The following TBC1D19 variants were observed in gnomAD, a reference collection of about 807,000 sequenced individuals.
The protein encoded by TBC1D19 is TBC1 domain family, member 19.
Under a neutral mutation model 89.0 loss-of-function variants are expected in TBC1D19, and 60 were observed. The ratio of observed to expected loss-of-function variants is 0.67; its 90% CI spans 0.55 to 0.84. The LOEUF (loss-of-function observed/expected upper bound fraction) is 0.84, where lower values mean the gene tolerates loss of function less well. TBC1D19 is among the 40% of genes least tolerant of loss of function. The pLI is 0.00. For synonymous variants in TBC1D19, 189 were observed against 199.7 expected (o/e 0.95, Z 0.45); for missense variants, 500 against 610.8 (o/e 0.82, Z 1.91).
At chr4:26,852,810 G>A in the TBC1D19 span, among the ~76,000 whole-genome samples, 9 of 152,170 alleles carry the variant, frequency 5.9e-5, no homozygotes, top group South Asian at 1.7e-3. Context: ...TAGTAGAGAC[G>A]GGGTTTCACC....
chr4:26,809,457 C>A, the TBC1D19 span, among the ~76,000 whole-genome samples: 16 of 152,024 alleles, frequency 1.1e-4, no homozygotes, highest in African/African-American at 3.9e-4. Context: ...TGTTGGGAAA[C>A]CTCTTTCCCT....
the TBC1D19 span, among the ~76,000 whole-genome samples, chr4:26,771,613 T>C: frequency 2.0e-5 from 3 of 152,124 alleles, no homozygotes; most frequent in African/African-American, 7.2e-5. Flanking sequence ...GGTATCTAAA[T>C]AGTCAAATTC....
At chr4:26,622,292 T>G (rs920887628) in intron 4 of TBC1D19, among the ~76,000 whole-genome samples, 6 of 152,118 alleles carry the variant, frequency 3.9e-5, no homozygotes, top group African/African-American at 1.2e-4. Flanking sequence ...ACTAAGAAGG[T>G]TGGGCCTGAA....
At chr4:26,792,203 A>G in the TBC1D19 span, among the ~76,000 whole-genome samples, 2 of 152,046 alleles carry the variant, frequency 1.3e-5, no homozygotes, top group East Asian at 3.8e-4. Flanking sequence ...GTGTAACGTA[A>G]TTAGTTCATT....
chr4:26,668,935 C>T (rs1712044052), intron 9 of TBC1D19, among the ~76,000 whole-genome samples: 2 of 151,220 alleles, frequency 1.3e-5, no homozygotes, highest in South Asian at 4.2e-4. Flanking sequence ...AAGTCATAGC[C>T]ATTACTTCTA....
At chr4:26,784,442 C>T in the TBC1D19 span, among the ~76,000 whole-genome samples, 2 of 152,168 alleles carry the variant, frequency 1.3e-5, no homozygotes, top group Non-Finnish European at 2.9e-5. Context: ...CATCTTGTGA[C>T]TACCCAAGGC....
intron 7 of TBC1D19, among the ~76,000 whole-genome samples, chr4:26,643,987 C>T (rs1206623893): frequency 6.6e-6 from 1 of 152,152 alleles, no homozygotes; most frequent in Non-Finnish European, 1.5e-5. Context: ...CCGAATTCTA[C>T]CAGAGGTACA....
intron 16 of TBC1D19, among the ~76,000 whole-genome samples, chr4:26,736,941 C>T (rs1718088322): frequency 6.6e-6 from 1 of 152,160 alleles, no homozygotes; most frequent in South Asian, 2.1e-4. Context: ...TTTAATGCCA[C>T]TTAATTTTTA....
At chr4:26,753,013 T>G (rs76847374) in intron 19 of TBC1D19, among the ~76,000 whole-genome samples, 3,670 of 152,236 alleles carry the variant, frequency 0.024, 110 homozygotes, top group African/African-American at 0.07. Context: ...TGTCCTGTAA[T>G]GTTTGGATTT....
the TBC1D19 span, among the ~76,000 whole-genome samples, chr4:26,838,193 C>A: frequency 6.6e-6 from 1 of 152,210 alleles, no homozygotes; most frequent in Non-Finnish European, 1.5e-5. Flanking sequence ...ACCCATGCAA[C>A]TTCCGATACC....
chr4:26,811,639 G>A, the TBC1D19 span, among the ~76,000 whole-genome samples: 1 of 152,170 alleles, frequency 6.6e-6, no homozygotes, highest in Non-Finnish European at 1.5e-5. Context: ...AATAAAGAAT[G>A]GCTACTCCAT....
intron 1 of TBC1D19, among the ~76,000 whole-genome samples, chr4:26,601,044 G>A (rs1416264091): frequency 2.6e-5 from 4 of 151,886 alleles, no homozygotes; most frequent in African/African-American, 9.7e-5. Context: ...GATATTTCGG[G>A]GATTGATGTG....
At chr4:26,833,497 T>C in the TBC1D19 span, among the ~76,000 whole-genome samples, 3 of 152,154 alleles carry the variant, frequency 2.0e-5, no homozygotes, top group Non-Finnish European at 4.4e-5. Flanking sequence ...ACTGTCCCTA[T>C]AGTTTTGTCT....
chr4:26,588,432 AT>A (rs1023220428), intron 1 of TBC1D19, among the ~76,000 whole-genome samples: 2 of 151,626 alleles, frequency 1.3e-5, no homozygotes, highest in African/African-American at 2.4e-5. Context: ...AATCGCTCTG[AT>A]TTTTTTCCTT....
intron 9 of TBC1D19, among the ~76,000 whole-genome samples, chr4:26,671,364 G>T (rs1246810841): frequency 1.3e-5 from 2 of 151,596 alleles, no homozygotes; most frequent in Non-Finnish European, 3.0e-5. Context: ...TAAGTCTTTT[G>T]CCTGTTCGTG....
At chr4:26,734,970 GTATACACATATGTATATGTATATA>G (rs1717901749) in intron 15 of TBC1D19, among the ~76,000 whole-genome samples, 2 of 150,054 alleles carry the variant, frequency 1.3e-5, no homozygotes, top group African/African-American at 2.5e-5. Flanking sequence ...ATGTATATAT[GTATACACATATGTATATGTATATA>G]TGTATACACA....
At chr4:26,772,321 A>G in the TBC1D19 span, among the ~76,000 whole-genome samples, 1 of 152,138 alleles carries the variant, frequency 6.6e-6, no homozygotes, top group Admixed American at 6.5e-5. Context: ...CAGCCAGAGC[A>G]TTGCAGTCCC....
chr4:26,716,098 T>C (rs1248018333), intron 13 of TBC1D19, among the ~76,000 whole-genome samples: 1 of 152,148 alleles, frequency 6.6e-6, no homozygotes, highest in Non-Finnish European at 1.5e-5. Flanking sequence ...TAATACACTA[T>C]ATAATGTAAT....
the TBC1D19 span, among the ~76,000 whole-genome samples, chr4:26,817,968 T>TTA: frequency 3.4e-5 from 4 of 119,222 alleles, no homozygotes; most frequent in East Asian, 2.2e-4. Context: ...AAACTCCATT[T>TTA]AAAAAAAAAA....
Sources: gnomAD v4.1 joint callset for allele counts (sites outside exome capture counted in the v4.1 genomes callset) on GRCh38, gnomAD v4.1.1 for gene constraint, MANE v1.5 for transcripts, NCBI Gene and HGNC (gene_info 2026-07-23, HGNC 2026-07-21) for gene names.